TTBK2: variants seen among roughly 807,000 people sequenced by gnomAD.
The protein encoded by TTBK2 is tau tubulin kinase 2.
A neutral mutation model predicts 110.8 loss-of-function variants in TTBK2; 28 were observed. That is an observed-to-expected ratio of 0.25 (90% CI 0.19 to 0.35). TTBK2 has a LOEUF of 0.35. Ranked by LOEUF, TTBK2 falls within the 10% of genes least tolerant of loss-of-function variation. TTBK2 has a pLI of 1.00. For missense variants in TTBK2, 1,369 were observed against 1,500.3 expected, an observed-to-expected ratio of 0.91 and a Z score of 1.45; for synonymous variants, 532 against 527.3, an observed-to-expected ratio of 1.01 and a Z score of -0.12.
intron 3 of TTBK2, among the ~76,000 whole-genome samples, chr15:42,849,819 T>C (rs2141043141): frequency 6.6e-6 from 1 of 152,296 alleles, no homozygotes; most frequent in African/African-American, 2.4e-5. Flanking sequence ...ATTGGACCCA[T>C]GCATGCACAG....
At chr15:42,819,952 A>G (rs1353756546) in intron 6 of TTBK2, among the ~76,000 whole-genome samples, 1 of 152,200 alleles carries the variant, frequency 6.6e-6, no homozygotes, top group African/African-American at 2.4e-5. Context: ...TCTGCAGCCT[A>G]GTCCACAGTT....
At chr15:42,889,027 G>T (rs1895353589) in intron 1 of TTBK2, among the ~76,000 whole-genome samples, 1 of 152,084 alleles carries the variant, frequency 6.6e-6, no homozygotes, top group South Asian at 2.1e-4. Context: ...ATTCTATTCT[G>T]TCTTCATTTC....
At chr15:42,763,409 T>G (rs1390347639) in intron 13 of TTBK2, among the ~76,000 whole-genome samples, 1 of 150,358 alleles carries the variant, frequency 6.7e-6, no homozygotes, top group African/African-American at 2.5e-5. Context: ...ACACAGCGTT[T>G]CACCATGTTA....
intron 9 of TTBK2, chr15:42,802,330 G>C (rs774106782): frequency 2.6e-6 from 2 of 770,070 alleles, no homozygotes; most frequent in Non-Finnish European, 4.7e-6. Flanking sequence ...AGGCCCACTC[G>C]TGTAGGAGAG....
chr15:42,824,861 C>A (rs182091591), intron 6 of TTBK2, among the ~76,000 whole-genome samples: 3 of 151,440 alleles, frequency 2.0e-5, no homozygotes, highest in Non-Finnish European at 4.4e-5. Flanking sequence ...TGCCCCAAAC[C>A]CAAAATAGAA....
Position 42,800,826 on chromosome 15 carries a change from G to A in TTBK2, c.823-6025C>T, listed in dbSNP as rs577914256. The A allele has an allele frequency of 3.7e-5, 21 of 564,588 alleles. 1 individual carries two copies. The Admixed American group carries it at 6.0e-4, about 16-fold the overall frequency. 35.0% of individuals were successfully genotyped at this position (564,588 alleles called of 1,614,324 possible). On this transcript the variant is annotated intron_variant, in intron 9 of 14. Coordinates refer to ENST00000267890, the MANE Select transcript of TTBK2 (RefSeq NM_173500.4). ...GGCATGGGCAAGGGGGGGTCCCCAG[G>A]TAGTAAACTCCCTCGCGGATGGGCT...
chr15:42,775,086 A>G (rs781700441), intron 13 of TTBK2, 49 bp downstream of exon 13: 1 of 1,582,392 alleles, frequency 6.3e-7, no homozygotes, highest in Non-Finnish European at 8.6e-7. Flanking sequence ...CTTTCTTAAT[A>G]GCACCTTGAG....
chr15:42,913,131 CAAA>C (rs61404472), intron 1 of TTBK2, among the ~76,000 whole-genome samples: 2 of 30,910 alleles, frequency 6.5e-5, no homozygotes, highest in African/African-American at 1.2e-4. Context: ...GACTCCGTCT[CAAA>C]AAAAAAAAAA....
chr15:42,895,539 ATT>A (rs1019730546), intron 1 of TTBK2, among the ~76,000 whole-genome samples: 10 of 142,254 alleles, frequency 7.0e-5, no homozygotes, highest in Non-Finnish European at 7.7e-5. Flanking sequence ...CATCAAAAAG[ATT>A]TTTTTTTTTT....
chr15:42,776,961 A>T, intron 12 of TTBK2, 70 bp downstream of exon 12: 1 of 1,495,512 alleles, frequency 6.7e-7, no homozygotes, highest in Non-Finnish European at 9.3e-7. Flanking sequence ...ATACAATAAT[A>T]ATAACAACAA....
chr15:42,772,234 C>T (rs1285399186), intron 13 of TTBK2, among the ~76,000 whole-genome samples: 2 of 152,008 alleles, frequency 1.3e-5, no homozygotes, highest in African/African-American at 4.8e-5. Context: ...CCTCTCTTCC[C>T]CCATTTCTGT....
rs375070421 is a variant in TTBK2 at position 42,828,013 on chromosome 15, C to T, written c.452G>A (p.Arg151His). Residue 151 changes from arginine to histidine, a missense_variant, in exon 6 of 15, where the codon CGC becomes CAC. By Grantham distance (29) the Arg-to-His change is conservative. Around this residue, in one of 4 missense-constraint regions of TTBK2, gnomAD observed 12 missense variants for 47.0 expected, o/e 0.26. Coordinates refer to ENST00000267890, the MANE Select transcript of TTBK2 (RefSeq NM_173500.4). ...ACATTTCCTACATGTACTAGGAAAGCGACCCATAGCGAAGTTCGACTAGAA... is the reference window on the plus strand; with the variant it reads ...ACATTTCCTACATGTACTAGGAAAGTGACCCATAGCGAAGTTCGACTAGAA... ...DIKPSNFAMG[R>H]FPSTCRKCYM... is the part of the protein sequence containing the mutation. 6.6e-5 allele frequency: 106 copies of T among 1,613,000 alleles called. 1 individual carries two copies. Among genetic ancestry groups the T allele is most frequent in the Non-Finnish European group, 7.8e-5 (92 of 1,179,596 alleles).
At chr15:42,773,459 G>C (rs1889765695) in intron 13 of TTBK2, among the ~76,000 whole-genome samples, 1 of 151,448 alleles carries the variant, frequency 6.6e-6, no homozygotes, top group Admixed American at 6.6e-5. Flanking sequence ...AAGAAAGAAA[G>C]AAAGAAAGAA....
In TTBK2 at chr15:42,739,267, A is replaced by C. The variant is rs1366283210; in HGVS notation, c.*6528T>G. 6.6e-6 allele frequency: 1 copy of C among 152,206 alleles called. No individual in the cohort carries two copies. Among genetic ancestry groups the C allele is most frequent in the African/African-American group, 2.4e-5 (1 of 41,444 alleles). 9.4% of individuals were successfully genotyped at this position (152,206 alleles called of 1,614,324 possible). Reference sequence around the variant, plus strand: ...CAAAGAGTAGTTTCTCATCTCTCTGATTTCAGGAAGAGGAGAAGAGAGGGA... The same window carrying C: ...CAAAGAGTAGTTTCTCATCTCTCTGCTTTCAGGAAGAGGAGAAGAGAGGGA... On this transcript the variant is annotated 3_prime_UTR_variant, in exon 15 of 15. Transcript: ENST00000267890.
intron 2 of TTBK2, among the ~76,000 whole-genome samples, chr15:42,877,399 G>A (rs1394892545): frequency 6.6e-6 from 1 of 152,086 alleles, no homozygotes; most frequent in Admixed American, 6.6e-5. Context: ...ACAGAGAAAT[G>A]TGTTAACCCC....
At chr15:42,757,293 C>T (rs1047129057) in intron 13 of TTBK2, among the ~76,000 whole-genome samples, 1 of 151,178 alleles carries the variant, frequency 6.6e-6, no homozygotes. Context: ...AAAAAATTTG[C>T]ACAGACAGGG....
intron 9 of TTBK2, chr15:42,801,827 T>A (rs1354801215): frequency 4.6e-6 from 4 of 876,902 alleles, no homozygotes; most frequent in Admixed American, 1.7e-5. Flanking sequence ...TACTCCTTGA[T>A]GAGCACAAAT....
At chr15:42,753,289 A>C in intron 13 of TTBK2, 42 bp from the exon 14 acceptor site, 1 of 1,569,232 alleles carries the variant, frequency 6.4e-7, no homozygotes, top group South Asian at 1.1e-5. Flanking sequence ...ATTATGTAAA[A>C]TATCAACAAA....
intron 8 of TTBK2, among the ~76,000 whole-genome samples, chr15:42,811,197 T>C (rs1891706991): frequency 6.6e-6 from 1 of 152,104 alleles, no homozygotes; most frequent in Non-Finnish European, 1.5e-5. Flanking sequence ...TCTCACTATG[T>C]TATCCAGCCT....
Sources: gnomAD v4.1 joint callset for allele counts (sites outside exome capture counted in the v4.1 genomes callset) on GRCh38, gnomAD v4.1.1 for gene constraint, gnomAD v4.1.1 regional missense constraint, MANE v1.5 for transcripts, NCBI Gene and HGNC (gene_info 2026-07-23, HGNC 2026-07-21) for gene names.